Variants in NRG3 observed in about 807,000 individuals in gnomAD.
The protein encoded by NRG3 is neuregulin 3, also known as pro-neuregulin-3, membrane-bound isoform.
A neutral mutation model predicts 66.9 loss-of-function variants in NRG3; 31 were observed. That is an observed-to-expected ratio of 0.46 (90% CI 0.35 to 0.63). NRG3 has a LOEUF of 0.63. Ranked by LOEUF, NRG3 falls within the 20% of genes least tolerant of loss-of-function variation. The probability of loss-of-function intolerance (pLI) is 0.00; values close to 1 mark genes in which losing one functional copy is unlikely to be tolerated. For synonymous variants in NRG3, 393 were observed against 359.4 expected (o/e 1.09, Z -1.06); for missense variants, 910 against 878.9 (o/e 1.04, Z -0.45).
At chr10:82,092,418 A>G (rs1443632764) in intron 1 of NRG3, among the ~76,000 whole-genome samples, 1 of 151,968 alleles carries the variant, frequency 6.6e-6, no homozygotes, top group Non-Finnish European at 1.5e-5. Context: ...GCACATGCAC[A>G]TTCCTCAACT....
chr10:82,926,925 C>A (rs1051955410), intron 4 of NRG3, among the ~76,000 whole-genome samples: 3 of 152,164 alleles, frequency 2.0e-5, no homozygotes, highest in Non-Finnish European at 4.4e-5. Context: ...TTTTCTTTAT[C>A]TTTGGGTCAT....
At chr10:82,521,627 C>G (rs1213623092) in intron 2 of NRG3, among the ~76,000 whole-genome samples, 2 of 152,026 alleles carry the variant, frequency 1.3e-5, no homozygotes, top group African/African-American at 4.8e-5. Flanking sequence ...GGCATGGCCA[C>G]CGTGCCCGGC....
chr10:82,766,975 A>G (rs2059537314), intron 3 of NRG3, among the ~76,000 whole-genome samples: 1 of 149,940 alleles, frequency 6.7e-6, no homozygotes, highest in South Asian at 2.1e-4. Flanking sequence ...AATCACCTTA[A>G]TATGTGGATA....
At position 82,551,580 on chromosome 10, in the gene NRG3, A is replaced by C. The variant is rs543026083; in HGVS notation, c.954-186997A>C. 2.7e-3 allele frequency among the ~76,000 whole-genome samples: 396 copies of C among 148,782 alleles called. 1 individual carries two copies. Among genetic ancestry groups the C allele is most frequent in the African/African-American group, 9.2e-3 (365 of 39,512 alleles). On this transcript the variant is annotated intron_variant, in intron 2 of 8. Transcript: ENST00000372141. Reference sequence around the variant, plus strand: ...ACGATGATAAAGGTATCAAGGTCTAAGTTTTTATTTTTATTTTAAAATACT... The same window carrying C: ...ACGATGATAAAGGTATCAAGGTCTACGTTTTTATTTTTATTTTAAAATACT...
At chr10:81,997,772 T>C (rs2060997585) in intron 1 of NRG3, among the ~76,000 whole-genome samples, 1 of 152,142 alleles carries the variant, frequency 6.6e-6, no homozygotes, top group African/African-American at 2.4e-5. Context: ...TGCTCTCTCC[T>C]ATAATGTGAT....
intron 2 of NRG3, among the ~76,000 whole-genome samples, chr10:82,387,209 C>T (rs1043143749): frequency 6.6e-6 from 1 of 152,092 alleles, no homozygotes; most frequent in East Asian, 1.9e-4. Flanking sequence ...GGAAACAGAA[C>T]TGCTTTTACT....
chr10:82,833,567 C>T (rs1267989588), intron 3 of NRG3, among the ~76,000 whole-genome samples: 1 of 152,196 alleles, frequency 6.6e-6, no homozygotes, highest in Admixed American at 6.5e-5. Context: ...TCCATGTTCC[C>T]TGCCCTTCTG....
chr10:82,393,631 GAA>G (rs1305715875), intron 2 of NRG3, among the ~76,000 whole-genome samples: 1 of 152,118 alleles, frequency 6.6e-6, no homozygotes, highest in African/African-American at 2.4e-5. Context: ...GGATAAACTA[GAA>G]TAATCATATC....
chr10:82,636,699 A>G (rs1014743835), intron 2 of NRG3, among the ~76,000 whole-genome samples: 2 of 152,116 alleles, frequency 1.3e-5, no homozygotes, highest in Non-Finnish European at 1.5e-5. Context: ...TAATGTTGCA[A>G]TGAACATGGG....
intron 2 of NRG3, among the ~76,000 whole-genome samples, chr10:82,465,440 G>A (rs146354870): frequency 9.2e-5 from 14 of 152,270 alleles, no homozygotes; most frequent in African/African-American, 1.7e-4. Flanking sequence ...CTTTGTCTTC[G>A]TTGACTAACA....
At chr10:82,686,611 C>CA (rs1213971310) in intron 2 of NRG3, among the ~76,000 whole-genome samples, 2 of 152,140 alleles carry the variant, frequency 1.3e-5, no homozygotes, top group Non-Finnish European at 2.9e-5. Flanking sequence ...GATGATGGGA[C>CA]TTTTTCAGCT....
At chr10:81,897,923 A>G (rs1843669779) in intron 1 of NRG3, among the ~76,000 whole-genome samples, 1 of 152,146 alleles carries the variant, frequency 6.6e-6, no homozygotes, top group South Asian at 2.1e-4. Context: ...TGCATTTTTA[A>G]TCACATGGGG....
chr10:82,364,712 G>A (rs1177258228), intron 2 of NRG3, among the ~76,000 whole-genome samples: 1 of 152,174 alleles, frequency 6.6e-6, no homozygotes, highest in Non-Finnish European at 1.5e-5. Flanking sequence ...TCAAAACTTT[G>A]GAAAGGATAG....
chr10:82,851,881 A>G lies in NRG3; in HGVS notation c.1028-13530A>G, dbSNP rs181916196. Reference sequence around the variant, plus strand: ...AAGATGGGCAAGCAAACTAATGACTATAATAATTAGAGTGGAGTGTGATGA... The same window carrying G: ...AAGATGGGCAAGCAAACTAATGACTGTAATAATTAGAGTGGAGTGTGATGA... On this transcript the variant is annotated intron_variant, in intron 3 of 8. Transcript: ENST00000372141. Among the ~76,000 whole-genome samples, 24 of 152,302 alleles carry G rather than the reference A, an allele frequency of 1.6e-4. No individual in the cohort carries two copies. The East Asian group carries it at 2.7e-3, about 17-fold the overall frequency.
intron 3 of NRG3, among the ~76,000 whole-genome samples, chr10:82,863,892 T>C (rs2064277569): frequency 6.6e-6 from 1 of 152,162 alleles, no homozygotes; most frequent in African/African-American, 2.4e-5. Flanking sequence ...AATCCTTTCT[T>C]TACATGAAAG....
At chr10:82,419,450 GT>G (rs113774730) in intron 2 of NRG3, among the ~76,000 whole-genome samples, 272 of 152,208 alleles carry the variant, frequency 1.8e-3, no homozygotes, top group African/African-American at 6.1e-3. Flanking sequence ...TTTTATAAAG[GT>G]TGTCTCTGAT....
intron 1 of NRG3, among the ~76,000 whole-genome samples, chr10:82,231,713 A>T (rs1305619749): frequency 6.6e-6 from 1 of 152,194 alleles, no homozygotes; most frequent in Admixed American, 6.5e-5. Context: ...TAGTTGCAGG[A>T]GACATAATTC....
intron 3 of NRG3, among the ~76,000 whole-genome samples, chr10:82,835,852 G>A (rs1389006001): frequency 6.6e-6 from 1 of 152,046 alleles, no homozygotes; most frequent in South Asian, 2.1e-4. Flanking sequence ...AGAATGCCTC[G>A]CTTAAGTTCA....
chr10:82,127,508 C>A (rs990018867), intron 1 of NRG3, among the ~76,000 whole-genome samples: 6 of 152,010 alleles, frequency 3.9e-5, no homozygotes, highest in African/African-American at 1.2e-4. Context: ...CTTATCCATA[C>A]CCTCCTGAAA....
Sources: gnomAD v4.1 joint callset for allele counts (sites outside exome capture counted in the v4.1 genomes callset) on GRCh38, gnomAD v4.1.1 for gene constraint, MANE v1.5 for transcripts, NCBI Gene and HGNC (gene_info 2026-07-23, HGNC 2026-07-21) for gene names.